The following ADIPOR1 variants were observed in gnomAD, a reference collection of about 807,000 sequenced individuals.
The protein encoded by ADIPOR1 is adiponectin receptor protein 1.
In ADIPOR1, 15 loss-of-function variants were observed where a neutral mutation model predicts 37.5. The ratio of observed to expected loss-of-function variants is 0.40; its 90% CI spans 0.27 to 0.62. ADIPOR1 has a LOEUF of 0.62. Among genes scored for constraint, ADIPOR1 ranks in the 20% least tolerant of loss-of-function variants. The probability of loss-of-function intolerance (pLI) is 0.42; values close to 1 mark genes in which losing one functional copy is unlikely to be tolerated. For missense variants in ADIPOR1, 286 were observed against 478.0 expected (o/e 0.60, Z 3.75); for synonymous variants, 173 against 173.2 (o/e 1.00, Z 0.01).
chr1:202,948,971 A>G (rs1654446712), intron 2 of ADIPOR1, among the ~76,000 whole-genome samples: 1 of 151,306 alleles, frequency 6.6e-6, no homozygotes, highest in Non-Finnish European at 1.5e-5. Context: ...TTGTATTTTT[A>G]GTAGAGATGG....
intron 2 of ADIPOR1, among the ~76,000 whole-genome samples, chr1:202,950,124 A>C (rs1654509026): frequency 6.6e-6 from 1 of 151,812 alleles, no homozygotes; most frequent in Admixed American, 6.6e-5. Context: ...CACCACACCC[A>C]GCTAATTTTT....
In ADIPOR1 at chr1:202,941,792, C is replaced by T. The variant is rs537189024; in HGVS notation, c.1000-91G>A. 2.1e-4 allele frequency: 304 copies of T among 1,471,750 alleles called. No homozygotes were observed. The African/African-American group carries it at 3.5e-3, about 17-fold the overall frequency. The allele number at this position is 1,471,750 out of a possible 1,614,324, so 91.2% of individuals were successfully genotyped here. A position where few individuals can be genotyped will look rare whatever the true frequency, so the allele number is the denominator to read the frequency against. ...AAGCATTTGCTTCTTCTAGTTTATC[C>T]TTAATTAAACAAATTTGTTAATAAC... On this transcript the variant is annotated intron_variant, in intron 7 of 7. Transcript: ENST00000340990.
chr1:202,956,087 C>T (rs1226148168), intron 1 of ADIPOR1, among the ~76,000 whole-genome samples: 1 of 152,212 alleles, frequency 6.6e-6, no homozygotes, highest in Non-Finnish European at 1.5e-5. Flanking sequence ...ATGCCCCCAA[C>T]ATTTCTGAGC....
intron 3 of ADIPOR1, among the ~76,000 whole-genome samples, chr1:202,947,457 G>A (rs1654380207): frequency 6.6e-6 from 1 of 152,118 alleles, no homozygotes; most frequent in Non-Finnish European, 1.5e-5. Context: ...GGCAGGCAGA[G>A]GTTGCAGTGA....
At chr1:202,952,676 C>G (rs1049722500) in intron 1 of ADIPOR1, among the ~76,000 whole-genome samples, 1 of 152,174 alleles carries the variant, frequency 6.6e-6, no homozygotes, top group African/African-American at 2.4e-5. Flanking sequence ...GGTTCTCAGG[C>G]CTTCAGCCTT....
At chr1:202,948,826 C>T (rs1360324771) in intron 2 of ADIPOR1, among the ~76,000 whole-genome samples, 1 of 150,096 alleles carries the variant, frequency 6.7e-6, no homozygotes, top group Non-Finnish European at 1.5e-5. Context: ...GAATATCCCT[C>T]TGTCACCCAG....
At chr1:202,944,822 A>T (rs35179235) in intron 5 of ADIPOR1, 161 bp downstream of exon 5, 28,823 of 629,726 alleles carry the variant, frequency 0.046, 926 homozygotes, top group East Asian at 0.11. Flanking sequence ...TTTAAGAGAA[A>T]AGCTTCATCA....
intron 5 of ADIPOR1, chr1:202,944,602 G>C (rs73091329): frequency 0.042 from 6,548 of 157,402 alleles, 185 homozygotes; most frequent in South Asian, 0.11. Context: ...TGCTGGGTAG[G>C]AGCACCAGCA....
At chr1:202,957,807 C>A (rs890733740) in intron 1 of ADIPOR1, among the ~76,000 whole-genome samples, 3 of 152,216 alleles carry the variant, frequency 2.0e-5, no homozygotes, top group Non-Finnish European at 4.4e-5. Context: ...CCTCCCTCCC[C>A]ACGCGCGGCG....
chr1:202,944,506 A>G (rs924598596), intron 5 of ADIPOR1: 1 of 154,100 alleles, frequency 6.5e-6, no homozygotes. Context: ...CCTCAGGCTC[A>G]CGGCTGGGCA....
At chr1:202,948,455 T>A in intron 2 of ADIPOR1, 35 bp from the exon 3 acceptor site, 1 of 1,578,714 alleles carries the variant, frequency 6.3e-7, no homozygotes, top group Non-Finnish European at 8.7e-7. Context: ...ATCCAGGGAG[T>A]CATCTCATAA....
chr1:202,947,810 T>C (rs774420534), intron 3 of ADIPOR1, among the ~76,000 whole-genome samples: 1 of 152,124 alleles, frequency 6.6e-6, no homozygotes, highest in Non-Finnish European at 1.5e-5. Flanking sequence ...TCTAAGTAAA[T>C]TGAGCATTTT....
intron 1 of ADIPOR1, among the ~76,000 whole-genome samples, chr1:202,955,862 G>A (rs1187432332): frequency 7.2e-5 from 11 of 152,156 alleles, no homozygotes; most frequent in Admixed American, 3.3e-4. Flanking sequence ...TGCAACCTCC[G>A]CCTTCCAGGT....
intron 3 of ADIPOR1, among the ~76,000 whole-genome samples, chr1:202,947,259 C>T (rs75686288): frequency 2.0e-5 from 3 of 150,964 alleles, no homozygotes; most frequent in African/African-American, 4.9e-5. Context: ...CAGTGGTTCA[C>T]GCCTGTAATC....
At chr1:202,942,980 C>T (rs4950870) in intron 6 of ADIPOR1, among the ~76,000 whole-genome samples, 25,151 of 151,302 alleles carry the variant, frequency 0.17, 2,514 homozygotes, top group Admixed American at 0.22. Flanking sequence ...GTGATTCTCC[C>T]GCCTCAGCCT....
intron 1 of ADIPOR1, among the ~76,000 whole-genome samples, chr1:202,957,172 A>G (rs1654818253): frequency 6.6e-6 from 1 of 152,214 alleles, no homozygotes. Context: ...CAGGAACCGA[A>G]GTTGCACCAT....
intron 3 of ADIPOR1, among the ~76,000 whole-genome samples, 162 bp from the exon 4 acceptor site, chr1:202,946,772 T>G (rs542556546): frequency 3.3e-5 from 5 of 150,726 alleles, no homozygotes; most frequent in African/African-American, 1.2e-4. Flanking sequence ...AGACATAGCA[T>G]GAATGGGGCT....
chr1:202,950,794 C>T, intron 2 of ADIPOR1, 136 bp downstream of exon 2: 1 of 1,220,764 alleles, frequency 8.2e-7, no homozygotes, highest in Non-Finnish European at 1.2e-6. Flanking sequence ...ATAACAGTAT[C>T]ATAGGGACTT....
intron 3 of ADIPOR1, among the ~76,000 whole-genome samples, chr1:202,948,039 T>C (rs1318952779): frequency 6.6e-6 from 1 of 152,238 alleles, no homozygotes; most frequent in Non-Finnish European, 1.5e-5. Flanking sequence ...ATTACTGTCA[T>C]ATTGAAATAT....
Sources: gnomAD v4.1 joint callset for allele counts (sites outside exome capture counted in the v4.1 genomes callset) on GRCh38, gnomAD v4.1.1 for gene constraint, MANE v1.5 for transcripts, NCBI Gene and HGNC (gene_info 2026-07-23, HGNC 2026-07-21) for gene names.